Variants in ATF6 observed in about 807,000 individuals in gnomAD.
ATF6 encodes activating transcription factor 6.
In ATF6, 53 loss-of-function variants were observed where a neutral mutation model predicts 83.6. That is an observed-to-expected ratio of 0.63 (90% CI 0.51 to 0.80). The LOEUF is 0.80. ATF6 is among the 30% of genes least tolerant of loss of function. The pLI is 0.00. For synonymous variants in ATF6, 288 were observed against 285.8 expected, an observed-to-expected ratio of 1.01 and a Z score of -0.08; for missense variants, 744 against 797.9, an observed-to-expected ratio of 0.93 and a Z score of 0.81.
chr1:161,824,384 A>AT (rs1553232241), intron 9 of ATF6, among the ~76,000 whole-genome samples: 3 of 89,984 alleles, frequency 3.3e-5, no homozygotes, highest in South Asian at 4.0e-4. Flanking sequence ...TTTGGTCAAA[A>AT]TTAAAAAAAA....
intron 12 of ATF6, among the ~76,000 whole-genome samples, chr1:161,858,301 A>G (rs888304094): frequency 5.3e-5 from 8 of 152,206 alleles, no homozygotes; most frequent in Non-Finnish European, 1.0e-4. Context: ...AGTGGGCTAA[A>G]CACATCAATT....
intron 14 of ATF6, among the ~76,000 whole-genome samples, chr1:161,893,458 G>A (rs898801906): frequency 6.6e-6 from 1 of 152,158 alleles, no homozygotes; most frequent in African/African-American, 2.4e-5. Flanking sequence ...GAGCCACTGC[G>A]CCCCGCCACG....
chr1:161,835,284 G>C (rs1172517941), intron 9 of ATF6, among the ~76,000 whole-genome samples: 2 of 152,072 alleles, frequency 1.3e-5, no homozygotes, highest in Admixed American at 1.3e-4. Flanking sequence ...TCGAATTTCT[G>C]GGCTCAAGTG....
intron 15 of ATF6, among the ~76,000 whole-genome samples, chr1:161,919,636 A>T (rs904468072): frequency 1.3e-5 from 2 of 152,248 alleles, no homozygotes; most frequent in East Asian, 3.9e-4. Flanking sequence ...ATGTTCATTG[A>T]TTTGTTTTTA....
chr1:161,848,873 C>G (rs933277798), intron 10 of ATF6, among the ~76,000 whole-genome samples: 17 of 151,644 alleles, frequency 1.1e-4, no homozygotes, highest in Non-Finnish European at 2.2e-4. Context: ...TGTATGTTGG[C>G]TGATTTTCTC....
chr1:161,955,279 A>C (rs1423156512), intron 15 of ATF6, among the ~76,000 whole-genome samples: 1 of 152,114 alleles, frequency 6.6e-6, no homozygotes, highest in African/African-American at 2.4e-5. Context: ...TTCCCCAGTT[A>C]AAACTCGATC....
At chr1:161,897,876 C>T (rs971036407) in intron 14 of ATF6, among the ~76,000 whole-genome samples, 2 of 151,930 alleles carry the variant, frequency 1.3e-5, no homozygotes, top group African/African-American at 4.8e-5. Flanking sequence ...ATTTTGTGTG[C>T]CCGAAATTTT....
chr1:161,860,325 A>G (rs1686856386), intron 13 of ATF6, 48 bp downstream of exon 13: 1 of 1,398,834 alleles, frequency 7.1e-7, no homozygotes, highest in Non-Finnish European at 9.6e-7. Flanking sequence ...AATAGCTGGT[A>G]TTTTAAGAAA....
chr1:161,925,147 A>C (rs1421924764), intron 15 of ATF6, among the ~76,000 whole-genome samples: 1 of 152,084 alleles, frequency 6.6e-6, no homozygotes. Context: ...TTTGGAAGCT[A>C]TTCTTGTGAC....
chr1:161,780,267 AGTC>A (rs1239183372), intron 2 of ATF6, among the ~76,000 whole-genome samples: 2 of 152,262 alleles, frequency 1.3e-5, no homozygotes, highest in African/African-American at 4.8e-5. Context: ...ACCATATAGT[AGTC>A]ATTTTGAAAT....
rs1260752426 is a variant in ATF6 at position 161,933,867 on chromosome 1, T to G, written c.1804+21487T>G. ...TCATGCATGCCTCAGGGCTTTTCCA[T>G]CTTCCTGAAAACCTCTTACCCAGAT... On this transcript the variant is annotated intron_variant, in intron 15 of 15. Transcript: ENST00000367942. Among the ~76,000 whole-genome samples the G allele has an allele frequency of 4.3e-4, 66 of 152,226 alleles. 1 individual carries two copies. The highest frequency in any genetic ancestry group is 4.3e-3 in the Admixed American group (66 of 15,278).
chr1:161,947,949 C>T (rs1028098800), intron 15 of ATF6, among the ~76,000 whole-genome samples: 2 of 150,442 alleles, frequency 1.3e-5, no homozygotes, highest in African/African-American at 4.9e-5. Flanking sequence ...CTCAGCCTCC[C>T]GAGTAGCTGG....
At chr1:161,914,476 C>T (rs911612603) in intron 15 of ATF6, among the ~76,000 whole-genome samples, 6 of 152,146 alleles carry the variant, frequency 3.9e-5, no homozygotes, top group African/African-American at 1.2e-4. Context: ...CTTCAGCATC[C>T]GCATAGAGGA....
chr1:161,883,768 A>T lies in ATF6; in HGVS notation c.1719+20456A>T, dbSNP rs188136908. ...TGTAATTGTTAATAGATGTAATTGC[A>T]TAAGGTCGCTATGCATTATTTCTCA... On this transcript the variant is annotated intron_variant, in intron 14 of 15. Coordinates refer to ENST00000367942, the MANE Select transcript of ATF6 (RefSeq NM_007348.4). Among the ~76,000 whole-genome samples the T allele has an allele frequency of 3.9e-5, 6 of 152,176 alleles. No individual in the cohort carries two copies. In the East Asian group the frequency reaches 9.6e-4, roughly 24 times the overall value.
In ATF6 at chr1:161,782,006, A is replaced by T. The variant is rs1455864557; in HGVS notation, c.247+7A>T. The T allele has an allele frequency of 6.4e-7, 1 of 1,574,728 alleles. No individual in the cohort carries two copies. Among genetic ancestry groups the T allele is most frequent in the African/African-American group, 1.4e-5 (1 of 73,830 alleles). Reference sequence around the variant, plus strand: ...AACAACCAAATCTGTACAGGTAATTATGTGTTTCACTGGTAAAAGTTTTAA... The same window carrying T: ...AACAACCAAATCTGTACAGGTAATTTTGTGTTTCACTGGTAAAAGTTTTAA... On this transcript the variant is annotated splice_region_variant and intron_variant, in intron 3 of 15. Coordinates refer to ENST00000367942, the MANE Select transcript of ATF6 (RefSeq NM_007348.4).
chr1:161,868,552 A>G (rs1316086320), intron 14 of ATF6, among the ~76,000 whole-genome samples: 1 of 152,090 alleles, frequency 6.6e-6, no homozygotes, highest in East Asian at 1.9e-4. Flanking sequence ...ACACTCAGCA[A>G]TGCCTACCAC....
chr1:161,829,726 C>T (rs899250688), intron 9 of ATF6, among the ~76,000 whole-genome samples: 16 of 152,068 alleles, frequency 1.1e-4, no homozygotes, highest in Non-Finnish European at 1.2e-4. Flanking sequence ...TCAATAGATG[C>T]AGAAAAGGCC....
chr1:161,910,757 G>GT (rs1428637416), intron 14 of ATF6, among the ~76,000 whole-genome samples: 1 of 151,982 alleles, frequency 6.6e-6, no homozygotes, highest in Admixed American at 6.6e-5. Context: ...AGCAAATTCT[G>GT]TTTTTTCTTG....
chr1:161,817,483 T>C (rs1386246881), intron 7 of ATF6, among the ~76,000 whole-genome samples: 1 of 152,178 alleles, frequency 6.6e-6, no homozygotes, highest in Non-Finnish European at 1.5e-5. Context: ...CAATCCATCA[T>C]GGCTTTGCCA....
Sources: gnomAD v4.1 joint callset for allele counts (sites outside exome capture counted in the v4.1 genomes callset) on GRCh38, gnomAD v4.1.1 for gene constraint, MANE v1.5 for transcripts, NCBI Gene and HGNC (gene_info 2026-07-23, HGNC 2026-07-21) for gene names.